Variants in MYO16 observed in about 807,000 individuals in gnomAD.
The protein encoded by MYO16 is unconventional myosin-XVI.
Under a neutral mutation model 205.3 loss-of-function variants are expected in MYO16, and 94 were observed. That is an observed-to-expected ratio of 0.46 (90% CI 0.39 to 0.54). The LOEUF (loss-of-function observed/expected upper bound fraction) is 0.54, where lower values mean the gene tolerates loss of function less well. Ranked by LOEUF, MYO16 falls within the 20% of genes least tolerant of loss-of-function variation. MYO16 has a pLI of 0.00. For synonymous variants in MYO16, 988 were observed against 954.0 expected (o/e 1.04, Z -0.66); for missense variants, 2,315 against 2,387.5 (o/e 0.97, Z 0.63).
intron 10 of MYO16, among the ~76,000 whole-genome samples, chr13:108,848,417 A>G (rs992288953): frequency 3.3e-5 from 5 of 152,182 alleles, no homozygotes; most frequent in Admixed American, 3.3e-4. Flanking sequence ...TAATCCTCAA[A>G]ATGTCACTGT....
chr13:108,569,427 T>A, the MYO16 span, among the ~76,000 whole-genome samples: 8 of 152,160 alleles, frequency 5.3e-5, no homozygotes, highest in Non-Finnish European at 1.0e-4. Context: ...CTGTTGCCAA[T>A]GGAATTGCTT....
At chr13:109,131,920 C>G (rs1876560120) in intron 31 of MYO16, among the ~76,000 whole-genome samples, 1 of 152,174 alleles carries the variant, frequency 6.6e-6, no homozygotes, top group Non-Finnish European at 1.5e-5. Context: ...GTGACTCAGT[C>G]TTTCCAAGCC....
chr13:108,614,846 T>G (rs376422001), intron 1 of MYO16, among the ~76,000 whole-genome samples: 22 of 81,244 alleles, frequency 2.7e-4, no homozygotes, highest in South Asian at 8.4e-4. Context: ...CTAAATGCAG[T>G]GGCTACAGTT....
rs550669574 is a variant in MYO16 at position 109,162,392 on chromosome 13, C to T, written c.5165-2509C>T. ...CTCTCAGTTCCTCTTTGGTGGTTTC[C>T]CAGGCCCTGACTCATTAGTACCTGG... On this transcript the variant is annotated intron_variant, in intron 32 of 34. Transcript: ENST00000457511. The surrounding 1 kb of genome is among the most constrained non-coding windows in gnomAD (Gnocchi z 4.6). Among the ~76,000 whole-genome samples, 14 of 152,272 alleles carry T rather than the reference C, an allele frequency of 9.2e-5. No homozygotes were observed. Among genetic ancestry groups the T allele is most frequent in the Admixed American group, 3.9e-4 (6 of 15,304 alleles).
chr13:108,850,556 A>G (rs1877805167), intron 10 of MYO16, among the ~76,000 whole-genome samples: 2 of 152,192 alleles, frequency 1.3e-5, no homozygotes, highest in Admixed American at 6.5e-5. Flanking sequence ...TCTGGTAATT[A>G]TTGTTATAAT....
chr13:108,988,415 T>C (rs1884711152), intron 20 of MYO16, among the ~76,000 whole-genome samples: 1 of 152,116 alleles, frequency 6.6e-6, no homozygotes, highest in East Asian at 1.9e-4. Flanking sequence ...TTGCATTTAG[T>C]TTTTCTCCTG....
intron 6 of MYO16, among the ~76,000 whole-genome samples, chr13:108,802,286 C>A (rs980770022): frequency 8.5e-5 from 13 of 152,174 alleles, no homozygotes; most frequent in Non-Finnish European, 8.8e-5. Flanking sequence ...ATTCTTCTCT[C>A]TACTTTTATG....
At chr13:108,733,683 C>A (rs1355445267) in intron 4 of MYO16, among the ~76,000 whole-genome samples, 2 of 152,184 alleles carry the variant, frequency 1.3e-5, no homozygotes, top group Non-Finnish European at 1.5e-5. Flanking sequence ...CAGTAGAGGG[C>A]CGGGCGTGGT....
At chr13:108,825,913 C>T (rs937345180) in intron 9 of MYO16, among the ~76,000 whole-genome samples, 24 of 151,858 alleles carry the variant, frequency 1.6e-4, no homozygotes, top group Middle Eastern at 3.4e-3. Context: ...AAGAAAAGAA[C>T]GGCAAGTTTT....
intron 6 of MYO16, 36 bp from the exon 7 acceptor site, chr13:108,806,643 T>C: frequency 1.3e-6 from 2 of 1,599,608 alleles, no homozygotes; most frequent in Non-Finnish European, 1.7e-6. Context: ...ATCACTACTT[T>C]AAAAAAATGA....
intron 16 of MYO16, among the ~76,000 whole-genome samples, chr13:108,911,965 C>T (rs896533356): frequency 2.0e-5 from 3 of 152,096 alleles, no homozygotes; most frequent in Non-Finnish European, 4.4e-5. Flanking sequence ...CGTGACAAGG[C>T]TAGGAGGGAA....
chr13:109,089,289 C>G (rs2139685974), intron 27 of MYO16, among the ~76,000 whole-genome samples: 1 of 152,106 alleles, frequency 6.6e-6, no homozygotes, highest in Admixed American at 6.5e-5. Flanking sequence ...TCTTGACTCA[C>G]TGCAGCCTCC....
At chr13:108,881,128 T>C (rs1594366167) in intron 12 of MYO16, among the ~76,000 whole-genome samples, 1 of 152,214 alleles carries the variant, frequency 6.6e-6, no homozygotes, top group African/African-American at 2.4e-5. Flanking sequence ...TTTGCCATTC[T>C]GTAATATTTG....
the MYO16 span, among the ~76,000 whole-genome samples, chr13:108,536,032 T>TGC: frequency 1.5e-5 from 2 of 132,284 alleles, no homozygotes; most frequent in African/African-American, 2.5e-5. Context: ...TGCATGTGTG[T>TGC]GTGCATGTGT....
intron 11 of MYO16, among the ~76,000 whole-genome samples, chr13:108,862,849 T>A (rs1878512687): frequency 6.6e-6 from 1 of 152,218 alleles, no homozygotes; most frequent in South Asian, 2.1e-4. Flanking sequence ...GCCCTTTTAT[T>A]GGCCATCTTT....
intron 23 of MYO16, among the ~76,000 whole-genome samples, chr13:109,036,700 A>T (rs1886728106): frequency 6.6e-6 from 1 of 152,238 alleles, no homozygotes; most frequent in South Asian, 2.1e-4. Flanking sequence ...ATCCATATTG[A>T]GTCGCATGAA....
At chr13:108,979,839 A>G (rs1353816293) in intron 20 of MYO16, among the ~76,000 whole-genome samples, 1 of 152,186 alleles carries the variant, frequency 6.6e-6, no homozygotes, top group Non-Finnish European at 1.5e-5. Context: ...AGTATCATAC[A>G]GATTATAATA....
chr13:108,567,873 C>T, the MYO16 span, among the ~76,000 whole-genome samples: 3 of 152,158 alleles, frequency 2.0e-5, no homozygotes, highest in Admixed American at 6.5e-5. Context: ...CCTGCTCCAC[C>T]AGCTTCTGGC....
At chr13:108,951,737 TA>T (rs1352360001) in intron 16 of MYO16, among the ~76,000 whole-genome samples, 1 of 152,174 alleles carries the variant, frequency 6.6e-6, no homozygotes, top group Non-Finnish European at 1.5e-5. Flanking sequence ...TGAGGAAAGA[TA>T]TTAACTAGTC....
Sources: gnomAD v4.1 joint callset for allele counts (sites outside exome capture counted in the v4.1 genomes callset) on GRCh38, gnomAD v4.1.1 for gene constraint, Gnocchi (gnomAD v3.1) non-coding constraint, MANE v1.5 for transcripts, NCBI Gene and HGNC (gene_info 2026-07-23, HGNC 2026-07-21) for gene names.